The following ARFGEF1 variants were observed in gnomAD, a reference collection of about 807,000 sequenced individuals.
ARFGEF1 encodes brefeldin A-inhibited guanine nucleotide-exchange protein 1.
A neutral mutation model predicts 231.0 loss-of-function variants in ARFGEF1; 42 were observed. The observed-to-expected ratio is 0.18, with a 90% CI of 0.14 to 0.24. The LOEUF (loss-of-function observed/expected upper bound fraction) is 0.24. ARFGEF1 is among the 10% of genes least tolerant of loss of function. The pLI is 1.00. For missense variants in ARFGEF1, 1,345 were observed against 2,192.0 expected (o/e 0.61, Z 7.72); for synonymous variants, 710 against 732.3 (o/e 0.97, Z 0.49).
intron 29 of ARFGEF1, among the ~76,000 whole-genome samples, chr8:67,224,035 T>G (rs558896802): frequency 2.4e-4 from 37 of 152,306 alleles, no homozygotes; most frequent in African/African-American, 8.9e-4. Context: ...TTTCTTGGGA[T>G]ATAAGTCAAA....
At chr8:67,270,042 T>G (rs981647184) in intron 10 of ARFGEF1, among the ~76,000 whole-genome samples, 1 of 152,198 alleles carries the variant, frequency 6.6e-6, no homozygotes, top group African/African-American at 2.4e-5. Context: ...TAATGCCAAC[T>G]TAAATGTCTC....
rs147577049 is a variant in ARFGEF1 at position 67,340,009 on chromosome 8, C to T, written c.124+3155G>A. ...TCTACATGCTGTTTCATAAGTTATACTTTTTGACAAAAAAAAAAGTTTTAA... is the reference window on the plus strand; with the variant it reads ...TCTACATGCTGTTTCATAAGTTATATTTTTTGACAAAAAAAAAAGTTTTAA... On this transcript the variant is annotated intron_variant, in intron 1 of 38. Coordinates refer to ENST00000262215, the MANE Select transcript of ARFGEF1 (RefSeq NM_006421.5). 2.0e-3 allele frequency among the ~76,000 whole-genome samples: 299 copies of T among 151,348 alleles called. 4 individuals are homozygous for T. The highest frequency in any genetic ancestry group is 6.9e-3 in the African/African-American group (284 of 41,276).
At chr8:67,303,850 A>G (rs1338359807) in intron 1 of ARFGEF1, among the ~76,000 whole-genome samples, 1 of 152,198 alleles carries the variant, frequency 6.6e-6, no homozygotes, top group Non-Finnish European at 1.5e-5. Context: ...TAAACTTTAC[A>G]TAGACTATTA....
At chr8:67,275,524 G>C (rs1430071746) in intron 9 of ARFGEF1, among the ~76,000 whole-genome samples, 1 of 151,928 alleles carries the variant, frequency 6.6e-6, no homozygotes. Flanking sequence ...TTAGGTTTTA[G>C]TACCTTTTGA....
intron 30 of ARFGEF1, among the ~76,000 whole-genome samples, chr8:67,219,061 G>A (rs1021006470): frequency 6.6e-6 from 1 of 152,078 alleles, no homozygotes; most frequent in Non-Finnish European, 1.5e-5. Flanking sequence ...CCACCTCCCG[G>A]GTTCAAACAA....
chr8:67,188,654 T>C (rs1835345597), intron 5 of ARFGEF1, among the ~76,000 whole-genome samples: 1 of 152,218 alleles, frequency 6.6e-6, no homozygotes, highest in African/African-American at 2.4e-5. Flanking sequence ...TTTCGCTTGC[T>C]GTCCACCAGT....
chr8:67,282,146 A>T (rs1312580417), intron 7 of ARFGEF1, among the ~76,000 whole-genome samples: 2 of 152,140 alleles, frequency 1.3e-5, no homozygotes, highest in Non-Finnish European at 1.5e-5. Flanking sequence ...AAACTAAAAA[A>T]AATTGAAGAG....
chr8:67,315,497 A>G (rs1331140077), intron 1 of ARFGEF1, among the ~76,000 whole-genome samples: 3 of 152,200 alleles, frequency 2.0e-5, no homozygotes, highest in South Asian at 4.1e-4. Context: ...ATTTTGGGCC[A>G]TAAAACAAAT....
intron 1 of ARFGEF1, among the ~76,000 whole-genome samples, chr8:67,309,194 T>C (rs1408177303): frequency 6.6e-6 from 1 of 152,208 alleles, no homozygotes; most frequent in African/African-American, 2.4e-5. Context: ...TTTACTTGTA[T>C]GTGGAATCTA....
At chr8:67,286,991 C>G (rs535319833) in intron 7 of ARFGEF1, among the ~76,000 whole-genome samples, 1 of 152,164 alleles carries the variant, frequency 6.6e-6, no homozygotes, top group Non-Finnish European at 1.5e-5. Context: ...ACCAATAGCA[C>G]CACCATCCAC....
intron 33 of ARFGEF1, among the ~76,000 whole-genome samples, chr8:67,214,906 G>C (rs183986330): frequency 1.1e-3 from 164 of 152,340 alleles, no homozygotes; most frequent in African/African-American, 3.7e-3. Flanking sequence ...GAACAACTGA[G>C]AGTGTAGGGC....
chr8:67,253,830 A>G (rs1840371602), intron 17 of ARFGEF1, among the ~76,000 whole-genome samples: 1 of 152,236 alleles, frequency 6.6e-6, no homozygotes, highest in Non-Finnish European at 1.5e-5. Context: ...AAACTAATTC[A>G]TGCTCTGAGG....
chr8:67,340,741 T>C (rs1484139368), intron 1 of ARFGEF1, among the ~76,000 whole-genome samples: 3 of 152,138 alleles, frequency 2.0e-5, no homozygotes, highest in African/African-American at 7.2e-5. Flanking sequence ...CTCAAGTAAA[T>C]AAAGTACTGT....
intron 1 of ARFGEF1, among the ~76,000 whole-genome samples, chr8:67,328,306 T>C (rs1473817786): frequency 6.6e-6 from 1 of 152,216 alleles, no homozygotes; most frequent in African/African-American, 2.4e-5. Flanking sequence ...AAGCTTATTT[T>C]CTCTGCCTGG....
chr8:67,267,733 C>CT (rs1563875995), intron 10 of ARFGEF1, among the ~76,000 whole-genome samples: 1 of 152,112 alleles, frequency 6.6e-6, no homozygotes, highest in Admixed American at 6.6e-5. Flanking sequence ...GTGATAATTT[C>CT]TTTAACATTT....
intron 6 of ARFGEF1, among the ~76,000 whole-genome samples, chr8:67,291,075 C>T (rs1227577504): frequency 1.3e-5 from 2 of 151,962 alleles, no homozygotes; most frequent in African/African-American, 4.8e-5. Context: ...TAGTTCTAGA[C>T]AACCACACTG....
intron 29 of ARFGEF1, among the ~76,000 whole-genome samples, chr8:67,223,333 A>T (rs922081014): frequency 7.2e-5 from 11 of 152,128 alleles, no homozygotes; most frequent in Non-Finnish European, 1.0e-4. Context: ...CAGCCTCATG[A>T]GCAGCAGGAA....
At chr8:67,187,038 G>C (rs1254401423) in intron 5 of ARFGEF1, among the ~76,000 whole-genome samples, 1 of 151,444 alleles carries the variant, frequency 6.6e-6, no homozygotes, top group Non-Finnish European at 1.5e-5. Flanking sequence ...AGAACTGCCT[G>C]AGGAAAACTA....
At chr8:67,226,247 C>T (rs1839367323) in intron 27 of ARFGEF1, 64 bp from the exon 28 acceptor site, 1 of 1,319,748 alleles carries the variant, frequency 7.6e-7, no homozygotes, top group South Asian at 1.8e-5. Flanking sequence ...ACCAAAAATA[C>T]ACCAACATCT....
Sources: gnomAD v4.1 joint callset for allele counts (sites outside exome capture counted in the v4.1 genomes callset) on GRCh38, gnomAD v4.1.1 for gene constraint, MANE v1.5 for transcripts, NCBI Gene and HGNC (gene_info 2026-07-23, HGNC 2026-07-21) for gene names.